Variants in SUMF1 observed in about 807,000 individuals in gnomAD.
SUMF1 encodes formylglycine-generating enzyme.
A neutral mutation model predicts 47.6 loss-of-function variants in SUMF1; 48 were observed. That is an observed-to-expected ratio of 1.01 (90% CI 0.80 to 1.28). SUMF1 has a LOEUF of 1.28. Ranked by LOEUF, SUMF1 falls within the 50% of genes most tolerant of loss-of-function variation. The pLI is 0.00. For synonymous variants in SUMF1, 230 were observed against 192.1 expected (o/e 1.20, Z -1.63); for missense variants, 571 against 485.4 (o/e 1.18, Z -1.66).
At chr3:4,414,751 G>C (rs1701653345) in intron 6 of SUMF1, 1 of 152,094 alleles carries the variant, frequency 6.6e-6, no homozygotes, top group South Asian at 2.1e-4. Flanking sequence ...ATTTCATATT[G>C]AACATTGTAT....
At chr3:4,074,075 C>G (rs960506548) in intron 8 of SUMF1, among the ~76,000 whole-genome samples, 2 of 152,106 alleles carry the variant, frequency 1.3e-5, no homozygotes. Context: ...CTAAAATTGA[C>G]CACATAATTG....
intron 8 of SUMF1, among the ~76,000 whole-genome samples, chr3:4,329,633 G>A (rs547668405): frequency 1.4e-4 from 21 of 152,344 alleles, no homozygotes; most frequent in African/African-American, 4.3e-4. Flanking sequence ...CCAGGTTTCT[G>A]ATGGGAGGGG....
chr3:4,368,678 C>G (rs886091780), intron 8 of SUMF1, among the ~76,000 whole-genome samples: 4 of 152,116 alleles, frequency 2.6e-5, no homozygotes, highest in African/African-American at 7.2e-5. Flanking sequence ...TTCCCACTGC[C>G]CAATACACAA....
At chr3:4,229,426 A>C in intron 8 of SUMF1, 1 of 319,146 alleles carries the variant, frequency 3.1e-6, no homozygotes. Flanking sequence ...TTCTCCTAAG[A>C]CTTTCAGCAC....
chr3:4,170,809 T>C (rs1413547089), intron 8 of SUMF1, among the ~76,000 whole-genome samples: 2 of 152,228 alleles, frequency 1.3e-5, no homozygotes, highest in Admixed American at 6.5e-5. Context: ...CTTTGATTCA[T>C]TCCTTACACC....
At chr3:4,270,916 T>C (rs763716597) in intron 8 of SUMF1, among the ~76,000 whole-genome samples, 1 of 152,242 alleles carries the variant, frequency 6.6e-6, no homozygotes, top group Non-Finnish European at 1.5e-5. Context: ...AACCAAATCA[T>C]GTAAAACGGA....
chr3:4,362,330 G>A, intron 8 of SUMF1, 76 bp from the exon 9 acceptor site: 1 of 1,225,786 alleles, frequency 8.2e-7, no homozygotes, highest in South Asian at 1.2e-5. Flanking sequence ...GATGCATATT[G>A]CACCGGCTGT....
chr3:4,184,962 T>TAA (rs772253455), intron 8 of SUMF1, among the ~76,000 whole-genome samples: 23 of 152,122 alleles, frequency 1.5e-4, no homozygotes, highest in Admixed American at 5.9e-4. Flanking sequence ...CATATGCTTT[T>TAA]AAAAAGGTCT....
chr3:4,331,821 C>T (rs772020444), intron 8 of SUMF1, among the ~76,000 whole-genome samples: 1 of 152,126 alleles, frequency 6.6e-6, no homozygotes, highest in Non-Finnish European at 1.5e-5. Context: ...CAGAGCAAGA[C>T]TCCATCTCCA....
chr3:4,100,828 TA>T (rs924320903), intron 8 of SUMF1, among the ~76,000 whole-genome samples: 30 of 151,992 alleles, frequency 2.0e-4, no homozygotes, highest in Non-Finnish European at 4.4e-4. Context: ...TAACCCCATT[TA>T]AAAAATGGAC....
intron 8 of SUMF1, among the ~76,000 whole-genome samples, chr3:4,171,868 G>C (rs572766741): frequency 1.3e-5 from 2 of 152,120 alleles, no homozygotes; most frequent in African/African-American, 2.4e-5. Context: ...GTACCAGAAG[G>C]TGTAGAGAGG....
At chr3:4,092,015 C>T (rs1692798387) in intron 8 of SUMF1, among the ~76,000 whole-genome samples, 1 of 152,076 alleles carries the variant, frequency 6.6e-6, no homozygotes, top group Non-Finnish European at 1.5e-5. Flanking sequence ...GCCACATCAG[C>T]AAGGAGTAAA....
chr3:4,377,467 C>CA (rs1413049416), intron 7 of SUMF1, among the ~76,000 whole-genome samples: 2 of 152,202 alleles, frequency 1.3e-5, no homozygotes, highest in African/African-American at 4.8e-5. Flanking sequence ...CACAGTCAGG[C>CA]AGCCTTGCTC....
intron 8 of SUMF1, among the ~76,000 whole-genome samples, chr3:4,350,984 C>T (rs1011071682): frequency 6.6e-5 from 10 of 152,044 alleles, no homozygotes; most frequent in East Asian, 1.9e-4. Flanking sequence ...CCCAAACTGG[C>T]CACTAGAGGG....
intron 8 of SUMF1, among the ~76,000 whole-genome samples, chr3:4,272,373 G>C (rs890307397): frequency 6.6e-6 from 1 of 152,162 alleles, no homozygotes; most frequent in Non-Finnish European, 1.5e-5. Flanking sequence ...CTGGACCTTC[G>C]GAATTGTTCT....
intron 7 of SUMF1, among the ~76,000 whole-genome samples, chr3:4,408,270 C>T (rs1701434702): frequency 6.6e-6 from 1 of 152,092 alleles, no homozygotes; most frequent in Admixed American, 6.5e-5. Context: ...GACCAGAGCA[C>T]CTTAAATAAA....
intron 8 of SUMF1, among the ~76,000 whole-genome samples, chr3:4,341,988 G>T (rs1699282144): frequency 6.6e-6 from 1 of 152,172 alleles, no homozygotes; most frequent in East Asian, 1.9e-4. Flanking sequence ...AATCCAATTT[G>T]ATTATAAGGA....
intron 3 of SUMF1, among the ~76,000 whole-genome samples, chr3:4,434,468 T>C (rs1702333549): frequency 6.6e-6 from 1 of 152,348 alleles, no homozygotes; most frequent in African/African-American, 2.4e-5. Flanking sequence ...CCAAATCTTA[T>C]AAATGCGCAA....
Position 4,467,237 on chromosome 3 carries a change from C to G in SUMF1, c.9G>C (p.Ala3=), listed in dbSNP as rs755989487. 1.2e-6 allele frequency: 2 copies of G among 1,608,942 alleles called. No homozygotes were observed. Among genetic ancestry groups the G allele is most frequent in the Admixed American group, 1.7e-5 (1 of 59,564 alleles). MA[A]PALGLVCGRC... is the part of the protein sequence containing the mutation. ...GTCCACACACCAGCCCTAGTGCGGG[C>G]GCAGCCATGTTGTCCCGCGGGCCAT... The change falls in exon 1 of 9, where the codon GCG becomes GCC. Residue 3 remains alanine (A), a synonymous_variant. Coordinates refer to ENST00000272902, the MANE Select transcript of SUMF1 (RefSeq NM_182760.4).
Sources: gnomAD v4.1 joint callset for allele counts (sites outside exome capture counted in the v4.1 genomes callset) on GRCh38, gnomAD v4.1.1 for gene constraint, MANE v1.5 for transcripts, NCBI Gene and HGNC (gene_info 2026-07-23, HGNC 2026-07-21) for gene names.